The following USP3 variants were observed in gnomAD, a reference collection of about 807,000 sequenced individuals.
USP3 encodes ubiquitin carboxyl-terminal hydrolase 3.
USP3 carries 20 observed loss-of-function variants against 72.3 expected under a neutral mutation model. The observed-to-expected ratio is 0.28, with a 90% CI of 0.19 to 0.40. The LOEUF is 0.40. Among genes scored for constraint, USP3 ranks in the 10% least tolerant of loss-of-function variants. USP3 has a pLI of 1.00. For synonymous variants in USP3, 222 were observed against 225.3 expected (o/e 0.99, Z 0.13); for missense variants, 479 against 633.9 (o/e 0.76, Z 2.62).
intron 7 of USP3, among the ~76,000 whole-genome samples, chr15:63,562,234 A>G (rs8042571): frequency 2.0e-5 from 3 of 152,218 alleles, no homozygotes; most frequent in Admixed American, 6.5e-5. Flanking sequence ...TTATATGCCC[A>G]GGAAAAAAAT....
intron 8 of USP3, among the ~76,000 whole-genome samples, chr15:63,568,395 GTTTTC>G (rs1566911201): frequency 6.6e-6 from 1 of 150,452 alleles, no homozygotes; most frequent in African/African-American, 2.4e-5. Context: ...ATTTGCCTCT[GTTTTC>G]TTTTCTCCTG....
At chr15:63,538,248 A>G (rs1382214112) in intron 3 of USP3, among the ~76,000 whole-genome samples, 4 of 152,168 alleles carry the variant, frequency 2.6e-5, no homozygotes, top group African/African-American at 9.7e-5. Context: ...ATGATGAACA[A>G]TTCTTGTTTT....
chr15:63,587,048 G>A (rs1165939537), intron 11 of USP3, among the ~76,000 whole-genome samples: 1 of 152,132 alleles, frequency 6.6e-6, no homozygotes, highest in Non-Finnish European at 1.5e-5. Flanking sequence ...GGAAACTTGA[G>A]TACAGAGACA....
chr15:63,558,832 G>T (rs903488006), intron 6 of USP3, among the ~76,000 whole-genome samples: 2 of 152,240 alleles, frequency 1.3e-5, no homozygotes, highest in South Asian at 4.1e-4. Context: ...CCAAGATGGC[G>T]CCACTACACT....
At position 63,504,769 on chromosome 15, in the gene USP3, C is replaced by G. The variant is rs145606344; in HGVS notation, c.30C>G (p.Val10=). Reference sequence around the variant, plus strand: ...AGTGTCCACACCTGAGCTCCAGCGTCTGCATTGCTCCGGACTCAGCCAAGT... The same window carrying G: ...AGTGTCCACACCTGAGCTCCAGCGTGTGCATTGCTCCGGACTCAGCCAAGT... MECPHLSSS[V]CIAPDSAKFP... is the part of the protein sequence containing the mutation. Residue 10 remains valine (V), a synonymous_variant, in exon 1 of 15, where the codon GTC becomes GTG. Transcript: ENST00000380324. The G allele has an allele frequency of 7.2e-5, 116 of 1,611,658 alleles. 1 individual carries two copies. Among genetic ancestry groups the G allele is most frequent in the Middle Eastern group, 5.0e-4 (3 of 5,982 alleles).
intron 1 of USP3, among the ~76,000 whole-genome samples, chr15:63,505,156 G>A (rs888259544): frequency 2.0e-5 from 3 of 151,762 alleles, no homozygotes; most frequent in African/African-American, 7.2e-5. Context: ...TGCCGTGGCC[G>A]GGGGCTGTGC....
At position 63,571,999 on chromosome 15, in the gene USP3, G is replaced by A. The variant is rs531718037; in HGVS notation, c.908+1420G>A. On this transcript the variant is annotated intron_variant, in intron 9 of 14. Transcript: ENST00000380324. ...ACACCTACCCCTACTGAAGGTGAAG[G>A]TGAGGACGGTGGTATGGAAGAAATA... is the stretch of plus-strand genomic sequence containing the variant. Among the ~76,000 whole-genome samples the A allele has an allele frequency of 7.2e-5, 11 of 152,328 alleles. No individual in the cohort carries two copies. The East Asian group carries it at 1.9e-3, about 27-fold the overall frequency.
intron 3 of USP3, among the ~76,000 whole-genome samples, chr15:63,546,930 C>T (rs2066337863): frequency 6.6e-6 from 1 of 152,174 alleles, no homozygotes; most frequent in African/African-American, 2.4e-5. Context: ...TTTTTAAACA[C>T]CAATATTAGT....
In USP3 at chr15:63,574,624, T is replaced by C. The variant is rs2066833141; in HGVS notation, c.1096+221T>C. Among the ~76,000 whole-genome samples, 1 of 152,218 alleles carries C rather than the reference T, an allele frequency of 6.6e-6. No homozygotes were observed. Among genetic ancestry groups the C allele is most frequent in the Admixed American group, 6.5e-5 (1 of 15,280 alleles). On this transcript the variant is annotated intron_variant, in intron 11 of 14. Transcript: ENST00000380324. This position sits in a 1 kb window ranked among gnomAD's most constrained non-coding sequence, Gnocchi z 4.6. ...TGAAGCATAAAATATTTCTCACCTT[T>C]TTCTTCTTTGAAATACTGACTTTAA...
chr15:63,534,053 TA>T, intron 2 of USP3: 1 of 211,564 alleles, frequency 4.7e-6, no homozygotes, highest in Non-Finnish European at 8.2e-6. Flanking sequence ...TTAATGTTCT[TA>T]AACAACAAAC....
rs553571702 is a variant in USP3, at chr15:63,535,793, T to G, written c.153-1232T>G. ...CAGTTACGGTAACTCTCCTACTTCC[T>G]CCAAGGTAAGTGTTTTTCCTGGTGC... On this transcript the variant is annotated intron_variant, in intron 2 of 14. Transcript: ENST00000380324. Among the ~76,000 whole-genome samples the G allele has an allele frequency of 2.0e-5, 3 of 152,338 alleles. No individual in the cohort carries two copies. In the South Asian group the frequency reaches 6.2e-4, roughly 32 times the overall value.
intron 11 of USP3, among the ~76,000 whole-genome samples, chr15:63,584,804 C>T (rs1393501574): frequency 6.6e-6 from 1 of 152,058 alleles, no homozygotes; most frequent in Non-Finnish European, 1.5e-5. Flanking sequence ...GTTGCCTGTG[C>T]TTTGGGTGTC....
rs2067245054 is a variant in USP3 at position 63,593,701 on chromosome 15, AAT to A, written c.*2876_*2877del. On this transcript the variant is annotated 3_prime_UTR_variant, in exon 15 of 15. Coordinates refer to ENST00000380324, the MANE Select transcript of USP3 (RefSeq NM_006537.4). ...TGTGCACTTGAACAGCAGTGATGTA[AAT>A]GTGCTTATTTGTGTTTTCATTTTTA... The A allele has an allele frequency of 4.6e-5, 7 of 152,230 alleles. No homozygotes were observed. The highest frequency in any genetic ancestry group is 1.0e-4 in the Non-Finnish European group (7 of 68,046). The allele number at this position is 152,230 out of a possible 1,614,324, so 9.4% of individuals were successfully genotyped here.
At chr15:63,516,861 CA>C (rs1325760416) in intron 1 of USP3, among the ~76,000 whole-genome samples, 4 of 151,450 alleles carry the variant, frequency 2.6e-5, no homozygotes, top group African/African-American at 4.9e-5. Context: ...AGTTAAAAGA[CA>C]TTTTTTTGTA....
At chr15:63,583,077 C>T (rs2066992521) in intron 11 of USP3, among the ~76,000 whole-genome samples, 1 of 152,132 alleles carries the variant, frequency 6.6e-6, no homozygotes. Context: ...CACGGGGAGA[C>T]CCCTTCAGAA....
In USP3 at chr15:63,591,468, T is replaced by C. The variant is rs1425944071; in HGVS notation, c.*642T>C. ...TGTACTTGTCCTGCAAATACAAGAA[T>C]TACTCTCTTTGTTGGTTTTTTTGGT... On this transcript the variant is annotated 3_prime_UTR_variant, in exon 15 of 15. Coordinates refer to ENST00000380324, the MANE Select transcript of USP3 (RefSeq NM_006537.4). 6.6e-6 allele frequency: 1 copy of C among 152,222 alleles called. No homozygotes were observed. Among genetic ancestry groups the C allele is most frequent in the East Asian group, 1.9e-4 (1 of 5,208 alleles). The allele number at this position is 152,222 out of a possible 1,614,324, so 9.4% of individuals were successfully genotyped here. A position where few individuals can be genotyped will look rare whatever the true frequency, so the allele number is the denominator to read the frequency against.
Position 63,590,804 on chromosome 15 carries a change from A to C in USP3, c.1541A>C (p.Lys514Thr), listed in dbSNP as rs1566922866. Residue 514 changes from lysine to threonine, a missense_variant, in exon 15 of 15, where the codon AAA becomes ACA. By Grantham distance (78) the Lys-to-Thr change is moderately conservative. Transcript: ENST00000380324. The part of the protein sequence containing the change: ...YILFYVEHQA[K>T]AGSDKL ...CTTTTCTACGTGGAACACCAGGCCA[A>C]AGCTGGATCGGATAAACTTTAATAC... The C allele has an allele frequency of 6.2e-7, 1 of 1,613,516 alleles. No homozygotes were observed. Among genetic ancestry groups the C allele is most frequent in the Non-Finnish European group, 8.5e-7 (1 of 1,179,864 alleles).
At chr15:63,581,669 A>G (rs932115535) in intron 11 of USP3, among the ~76,000 whole-genome samples, 9 of 146,980 alleles carry the variant, frequency 6.1e-5, no homozygotes, top group African/African-American at 2.0e-4. Flanking sequence ...TGCTGGGATT[A>G]CAGGTGTGAG....
chr15:63,516,862 AT>A (rs1158885369), intron 1 of USP3, among the ~76,000 whole-genome samples: 2 of 151,526 alleles, frequency 1.3e-5, no homozygotes, highest in African/African-American at 2.4e-5. Flanking sequence ...GTTAAAAGAC[AT>A]TTTTTTGTAC....
Sources: gnomAD v4.1 joint callset for allele counts (sites outside exome capture counted in the v4.1 genomes callset) on GRCh38, gnomAD v4.1.1 for gene constraint, Gnocchi (gnomAD v3.1) non-coding constraint, MANE v1.5 for transcripts, NCBI Gene and HGNC (gene_info 2026-07-23, HGNC 2026-07-21) for gene names.